Variants in LRFN5 observed in about 807,000 individuals in gnomAD.
The protein encoded by LRFN5 is leucine rich repeat and fibronectin type III domain containing 5.
A neutral mutation model predicts 45.6 loss-of-function variants in LRFN5; 24 were observed. The observed-to-expected ratio is 0.53, with a 90% confidence interval of 0.38 to 0.74. The LOEUF is 0.74. LRFN5 is among the 30% of genes least tolerant of loss of function. The pLI is 0.00. For missense variants in LRFN5, 776 were observed against 861.5 expected (o/e 0.90, Z 1.24); for synonymous variants, 340 against 313.8 (o/e 1.08, Z -0.88).
intron 1 of LRFN5, among the ~76,000 whole-genome samples, chr14:41,721,735 C>T (rs976201560): frequency 6.6e-6 from 1 of 152,118 alleles, no homozygotes; most frequent in African/African-American, 2.4e-5. Context: ...AGAAAAGTCT[C>T]CCGTTAGCCT....
intron 1 of LRFN5, among the ~76,000 whole-genome samples, chr14:41,633,118 A>G (rs1033871542): frequency 3.3e-5 from 5 of 152,122 alleles, no homozygotes; most frequent in African/African-American, 1.2e-4. Context: ...AGTGGAAACC[A>G]AATGACAGTC....
chr14:41,629,507 T>G (rs1448838158), intron 1 of LRFN5, among the ~76,000 whole-genome samples: 1 of 152,236 alleles, frequency 6.6e-6, no homozygotes, highest in East Asian at 1.9e-4. Flanking sequence ...TTTATTTCTC[T>G]GAATAAAATT....
chr14:41,645,193 G>A (rs1340537223), intron 1 of LRFN5, among the ~76,000 whole-genome samples: 1 of 152,190 alleles, frequency 6.6e-6, no homozygotes, highest in Non-Finnish European at 1.5e-5. Context: ...CATAGTGCTT[G>A]GAAGGAAATG....
At chr14:41,826,100 G>A (rs1888285443) in intron 2 of LRFN5, among the ~76,000 whole-genome samples, 1 of 152,106 alleles carries the variant, frequency 6.6e-6, no homozygotes, top group Admixed American at 6.5e-5. Flanking sequence ...GCCTCAGATA[G>A]GTCTAGTCAT....
chr14:41,800,745 G>C (rs1392936068), intron 2 of LRFN5, among the ~76,000 whole-genome samples: 1 of 150,820 alleles, frequency 6.6e-6, no homozygotes, highest in African/African-American at 2.4e-5. Context: ...TCTAAATTCT[G>C]TGTCTCCTAA....
chr14:41,690,626 A>G (rs920206298), intron 1 of LRFN5, among the ~76,000 whole-genome samples: 1 of 152,194 alleles, frequency 6.6e-6, no homozygotes, highest in Non-Finnish European at 1.5e-5. Context: ...AATAAATAAT[A>G]GAAGGGAATT....
At chr14:41,672,736 A>T (rs1001151300) in intron 1 of LRFN5, among the ~76,000 whole-genome samples, 3 of 142,770 alleles carry the variant, frequency 2.1e-5, no homozygotes, top group African/African-American at 7.3e-5. Flanking sequence ...GGATTTGTGG[A>T]TGGGTTTCAA....
At position 41,607,065 on chromosome 14, in the gene LRFN5, G is replaced by T. The variant is rs1056538591; in HGVS notation, c.-1694G>T. ...CTCGCCCCAGCGCGGTGGCCAGCGG[G>T]CGGGGCGCTGTGTTCCGCGGCGCGC... On this transcript the variant is annotated 5_prime_UTR_variant, in exon 1 of 6. Transcript: ENST00000298119. Among the ~76,000 whole-genome samples, 1 of 152,164 alleles carries T rather than the reference G, an allele frequency of 6.6e-6. No homozygotes were observed. The highest frequency in any genetic ancestry group is 2.4e-5 in the African/African-American group (1 of 41,452).
At chr14:41,697,843 T>C (rs147541202) in intron 1 of LRFN5, among the ~76,000 whole-genome samples, 13 of 152,056 alleles carry the variant, frequency 8.5e-5, no homozygotes, top group African/African-American at 3.1e-4. Flanking sequence ...TCATCCAATT[T>C]TATTTTATAT....
At chr14:41,773,718 CATGTG>C (rs919170585) in intron 2 of LRFN5, among the ~76,000 whole-genome samples, 193 of 152,254 alleles carry the variant, frequency 1.3e-3, no homozygotes, top group African/African-American at 3.9e-3. Context: ...TACAAATAGT[CATGTG>C]AGTTCAGTGG....
At chr14:41,631,647 C>T (rs755072377) in intron 1 of LRFN5, among the ~76,000 whole-genome samples, 4 of 152,036 alleles carry the variant, frequency 2.6e-5, no homozygotes, top group Non-Finnish European at 4.4e-5. Context: ...TGAAAGTGAT[C>T]AGGAACATGT....
intron 2 of LRFN5, among the ~76,000 whole-genome samples, chr14:41,820,385 T>G (rs1357456334): frequency 6.6e-6 from 1 of 152,036 alleles, no homozygotes; most frequent in East Asian, 1.9e-4. Context: ...ATTTCCATGG[T>G]GTATTTGTAT....
chr14:41,880,837 C>T (rs1594491240), intron 2 of LRFN5, among the ~76,000 whole-genome samples: 1 of 152,098 alleles, frequency 6.6e-6, no homozygotes. Context: ...TCAGTGTTTT[C>T]GTGGTTTCTT....
chr14:41,674,812 G>A (rs539989663), intron 1 of LRFN5, among the ~76,000 whole-genome samples: 3 of 151,760 alleles, frequency 2.0e-5, no homozygotes, highest in African/African-American at 4.8e-5. Flanking sequence ...CAGAGGGGGC[G>A]GCTGCCGGGA....
chr14:41,786,032 CT>C (rs34908501), intron 2 of LRFN5, among the ~76,000 whole-genome samples: 20,646 of 152,070 alleles, frequency 0.14, 1,669 homozygotes, highest in Non-Finnish European at 0.18. Flanking sequence ...TTGGGGACCC[CT>C]GATATATGGT....
chr14:41,754,719 C>T (rs1412011291), intron 1 of LRFN5, among the ~76,000 whole-genome samples: 3 of 152,070 alleles, frequency 2.0e-5, no homozygotes, highest in African/African-American at 7.2e-5. Flanking sequence ...AAAACCGGCT[C>T]CTGGATTCAT....
chr14:41,668,719 TAGTA>T (rs1462530205), intron 1 of LRFN5, among the ~76,000 whole-genome samples: 2 of 152,168 alleles, frequency 1.3e-5, no homozygotes, highest in Non-Finnish European at 2.9e-5. Context: ...GTATTAGAAT[TAGTA>T]AGTCTCAGAT....
At chr14:41,876,277 C>CTTTTTTTTT (rs34291427) in intron 2 of LRFN5, among the ~76,000 whole-genome samples, 14 of 100,602 alleles carry the variant, frequency 1.4e-4, no homozygotes, top group Non-Finnish European at 1.9e-4. Context: ...CTTTTTCTTT[C>CTTTTTTTTT]TTTTTTTTTT....
intron 1 of LRFN5, among the ~76,000 whole-genome samples, chr14:41,610,440 A>G (rs1887699864): frequency 6.6e-6 from 1 of 151,724 alleles, no homozygotes; most frequent in Non-Finnish European, 1.5e-5. Flanking sequence ...CGGTTTGATC[A>G]TGTCATTTAT....
Sources: allele counts gnomAD v4.1 joint callset (sites outside exome capture counted in the v4.1 genomes callset), GRCh38; gene constraint gnomAD v4.1.1; transcripts MANE v1.5; gene names NCBI Gene and HGNC (gene_info 2026-07-23, HGNC 2026-07-21).